The following TCF25 variants were observed in gnomAD, a reference collection of about 807,000 sequenced individuals.
TCF25 encodes ribosome quality control complex subunit TCF25.
A neutral mutation model predicts 83.1 loss-of-function variants in TCF25; 41 were observed. The observed-to-expected ratio is 0.49, with a 90% CI of 0.38 to 0.64. The LOEUF is 0.64. TCF25 is among the 30% of genes least tolerant of loss of function. The pLI is 0.00. For synonymous variants in TCF25, 458 were observed against 365.0 expected, an observed-to-expected ratio of 1.25 and a Z score of -2.90; for missense variants, 979 against 914.5, an observed-to-expected ratio of 1.07 and a Z score of -0.91.
At chr16:89,887,516 A>T in intron 4 of TCF25, 136 bp from the exon 5 acceptor site, 1 of 720,320 alleles carries the variant, frequency 1.4e-6, no homozygotes, top group Non-Finnish European at 2.1e-6. Flanking sequence ...TGGTGATTTT[A>T]GAGAAAGGCC....
intron 3 of TCF25, among the ~76,000 whole-genome samples, chr16:89,885,049 TC>T (rs1228184036): frequency 4.8e-5 from 5 of 104,834 alleles, no homozygotes; most frequent in Admixed American, 2.2e-4. Flanking sequence ...GACGCCCCTC[TC>T]CCTCTGCCTG....
At chr16:89,880,397 A>G (rs1425091387) in intron 1 of TCF25, among the ~76,000 whole-genome samples, 3 of 152,236 alleles carry the variant, frequency 2.0e-5, no homozygotes, top group African/African-American at 7.2e-5. Context: ...CAGCCTGGCC[A>G]ACATGATGAA....
intron 1 of TCF25, among the ~76,000 whole-genome samples, chr16:89,875,489 T>A (rs1322369416): frequency 1.3e-5 from 2 of 150,900 alleles, no homozygotes; most frequent in African/African-American, 4.9e-5. Context: ...TAGAGTGTCT[T>A]CACATAGATA....
chr16:89,909,341 C>G (rs1219787822), intron 16 of TCF25: 1 of 365,072 alleles, frequency 2.7e-6, no homozygotes, highest in Non-Finnish European at 5.2e-6. Context: ...GAAAACCCGT[C>G]TCTACTAAAA....
chr16:89,881,546 C>G (rs938545015), intron 1 of TCF25, among the ~76,000 whole-genome samples: 3 of 151,254 alleles, frequency 2.0e-5, no homozygotes, highest in Non-Finnish European at 2.9e-5. Flanking sequence ...TCCAGGACTG[C>G]TGGGCTCACG....
chr16:89,888,158 C>T (rs984916189), intron 5 of TCF25, among the ~76,000 whole-genome samples: 13 of 152,046 alleles, frequency 8.6e-5, no homozygotes, highest in Admixed American at 7.2e-4. Context: ...CCCAGCTACT[C>T]AGGAAGCTGA....
intron 8 of TCF25, among the ~76,000 whole-genome samples, chr16:89,895,778 A>G (rs2043804345): frequency 6.6e-6 from 1 of 152,242 alleles, no homozygotes; most frequent in Admixed American, 6.5e-5. Context: ...TGGTGTTGAA[A>G]GTGTTACCAT....
At chr16:89,889,775 C>G (rs2043283627) in intron 5 of TCF25, 2 of 152,908 alleles carry the variant, frequency 1.3e-5, no homozygotes, top group African/African-American at 2.4e-5. Context: ...GTCTCGAACT[C>G]CCAACCTCAG....
At chr16:89,893,609 G>A in intron 6 of TCF25, 119 bp from the exon 7 acceptor site, 4 of 1,510,298 alleles carry the variant, frequency 2.6e-6, no homozygotes, top group Non-Finnish European at 3.6e-6. Context: ...ACACACTCAG[G>A]TCAAGTTTGT....
intron 13 of TCF25, 50 bp from the exon 14 acceptor site, chr16:89,904,888 A>C: frequency 6.4e-7 from 1 of 1,573,996 alleles, no homozygotes; most frequent in African/African-American, 1.4e-5. Flanking sequence ...GCCTCGAGGC[A>C]GGCTGTGGTC....
chr16:89,883,833 G>A lies in TCF25; in HGVS notation c.354+321G>A, dbSNP rs79632912. ...CCGCGCACGTGTGTGCCTCCTAGCCGACCGCGCACGTGTGTCCTTCCTAAC... is the reference window on the plus strand; with the variant it reads ...CCGCGCACGTGTGTGCCTCCTAGCCAACCGCGCACGTGTGTCCTTCCTAAC... On this transcript the variant is annotated intron_variant, in intron 2 of 17. Coordinates refer to ENST00000263346, the MANE Select transcript of TCF25 (RefSeq NM_014972.3). 56 of 270,440 alleles carry A rather than the reference G, an allele frequency of 2.1e-4. No individual in the cohort carries two copies. The East Asian group carries it at 3.6e-3, about 17-fold the overall frequency. 16.8% of individuals were successfully genotyped at this position (270,440 alleles called of 1,614,324 possible).
Position 89,892,194 on chromosome 16 carries a change from C to A in TCF25, c.616C>A (p.Pro206Thr). ...GTACCTGTGTCCCGTTCTCCCCAGG[C>A]CACGGCAGAGACAACGTGTGTACCC... Reference protein sequence around the residue: ...GARAILGEQRPRQRQRVYPKC... With the variant: ...GARAILGEQRTRQRQRVYPKC... Residue 206 changes from proline (P) to threonine (T), a missense_variant and splice_region_variant, in exon 6 of 18, where the codon CCA becomes ACA. By Grantham distance (38) the Pro-to-Thr change is conservative. Coordinates refer to ENST00000263346, the MANE Select transcript of TCF25 (RefSeq NM_014972.3). 6.2e-7 allele frequency: 1 copy of A among 1,608,812 alleles called. No homozygotes were observed. Among genetic ancestry groups the A allele is most frequent in the Non-Finnish European group, 8.5e-7 (1 of 1,177,656 alleles).
chr16:89,909,540 T>C (rs932429115), intron 16 of TCF25: 1 of 139,600 alleles, frequency 7.2e-6, no homozygotes, highest in African/African-American at 3.0e-5. Context: ...AAATTGGGCG[T>C]GGTGGGTTGT....
At chr16:89,888,054 T>A (rs2043147712) in intron 5 of TCF25, among the ~76,000 whole-genome samples, 1 of 151,732 alleles carries the variant, frequency 6.6e-6, no homozygotes, top group South Asian at 2.1e-4. Flanking sequence ...TCACCTGAAG[T>A]CAGGAGTTTG....
intron 14 of TCF25, among the ~76,000 whole-genome samples, chr16:89,905,553 C>G (rs1248372761): frequency 6.6e-6 from 1 of 152,242 alleles, no homozygotes; most frequent in African/African-American, 2.4e-5. Context: ...GCCCTTGGCC[C>G]TGTGCTAGTT....
At chr16:89,900,511 T>C in intron 11 of TCF25, 124 bp from the exon 12 acceptor site, 2 of 1,131,922 alleles carry the variant, frequency 1.8e-6, no homozygotes, top group Non-Finnish European at 2.4e-6. Flanking sequence ...AAGAGGCCCT[T>C]GCGTTGCCTG....
At chr16:89,901,083 G>T (rs916966787) in intron 12 of TCF25, 1 of 307,562 alleles carries the variant, frequency 3.3e-6, no homozygotes, top group Non-Finnish European at 6.3e-6. Context: ...CGGGGCATTG[G>T]ATTGTACCAG....
At position 89,893,863 on chromosome 16, in the gene TCF25, G is replaced by A. The variant is rs770539929; in HGVS notation, c.828+5G>A. 5 of 1,598,874 alleles carry A rather than the reference G, an allele frequency of 3.1e-6. No individual in the cohort carries two copies. The highest frequency in any genetic ancestry group is 4.3e-6 in the Non-Finnish European group (5 of 1,173,222). On this transcript the variant is annotated splice_donor_5th_base_variant and intron_variant, in intron 7 of 17. Coordinates refer to ENST00000263346, the MANE Select transcript of TCF25 (RefSeq NM_014972.3). ...ATGGAGCCGAACAACATCGTGGTGC[G>A]TGGTCCCTGCAGCCCCTGACAGGAG...
In TCF25 at chr16:89,905,037, C is replaced by T; in HGVS notation, c.1569C>T (p.Val523=). ...PATMSWLEEN[V]HEVLQAVDAG... ...CCATGAGCTGGCTGGAGGAGAACGTCCACGAGGTTCTGCAAGCAGTGGACG... is the reference window on the plus strand; with the variant it reads ...CCATGAGCTGGCTGGAGGAGAACGTTCACGAGGTTCTGCAAGCAGTGGACG... Residue 523 remains valine (V), a synonymous_variant, in exon 14 of 18, where the codon GTC becomes GTT. Transcript: ENST00000263346. The T allele has an allele frequency of 6.2e-7, 1 of 1,602,798 alleles. No individual in the cohort carries two copies. Among genetic ancestry groups the T allele is most frequent in the Non-Finnish European group, 8.5e-7 (1 of 1,175,390 alleles).
Sources: allele counts gnomAD v4.1 joint callset (sites outside exome capture counted in the v4.1 genomes callset), GRCh38; gene constraint gnomAD v4.1.1; transcripts MANE v1.5; gene names NCBI Gene and HGNC (gene_info 2026-07-23, HGNC 2026-07-21).